GBE1: variants seen among roughly 807,000 people sequenced by gnomAD.
The protein encoded by GBE1 is 1,4-alpha-glucan-branching enzyme.
Under a neutral mutation model 88.8 loss-of-function variants are expected in GBE1, and 70 were observed. The observed-to-expected ratio is 0.79, with a 90% CI of 0.65 to 0.96. The LOEUF (loss-of-function observed/expected upper bound fraction) is 0.96, where lower values mean the gene tolerates loss of function less well. Among genes scored for constraint, GBE1 ranks in the 40% least tolerant of loss-of-function variants. The pLI is 0.00. For synonymous variants in GBE1, 284 were observed against 300.1 expected (o/e 0.95, Z 0.56); for missense variants, 872 against 871.0 (o/e 1.00, Z -0.01).
intron 7 of GBE1, among the ~76,000 whole-genome samples, chr3:81,614,724 T>C (rs1704226617): frequency 6.6e-6 from 1 of 152,094 alleles, no homozygotes; most frequent in Admixed American, 6.6e-5. Context: ...CTGGGCATGG[T>C]GGCACGTGCC....
intron 7 of GBE1, chr3:81,612,637 A>G (rs746460963): frequency 3.4e-6 from 2 of 581,920 alleles, no homozygotes; most frequent in Non-Finnish European, 6.6e-6. Flanking sequence ...GGAGTTTGTT[A>G]CATTTCTATT....
At chr3:81,552,356 A>G (rs1703282477) in intron 12 of GBE1, among the ~76,000 whole-genome samples, 1 of 152,118 alleles carries the variant, frequency 6.6e-6, no homozygotes, top group South Asian at 2.1e-4. Context: ...TGTCTCTACT[A>G]AAAATACAAA....
intron 1 of GBE1, among the ~76,000 whole-genome samples, chr3:81,732,072 C>T (rs1296968291): frequency 6.6e-6 from 1 of 152,064 alleles, no homozygotes; most frequent in African/African-American, 2.4e-5. Flanking sequence ...ACCATGAAGA[C>T]AATTGTCTGC....
intron 2 of GBE1, among the ~76,000 whole-genome samples, chr3:81,677,460 A>G (rs1705277163): frequency 6.6e-6 from 1 of 152,204 alleles, no homozygotes; most frequent in Non-Finnish European, 1.5e-5. Context: ...TCATCATATG[A>G]TGTCATTTAA....
chr3:81,593,032 TTC>T (rs1491486179), intron 8 of GBE1, among the ~76,000 whole-genome samples: 1 of 149,888 alleles, frequency 6.7e-6, no homozygotes, highest in Non-Finnish European at 1.5e-5. Context: ...TTTTCTTTTT[TTC>T]TGTTTATTGC....
chr3:81,537,593 A>G (rs1007838600), intron 12 of GBE1, among the ~76,000 whole-genome samples: 3 of 152,018 alleles, frequency 2.0e-5, no homozygotes, highest in East Asian at 3.9e-4. Context: ...GACTTGCCCA[A>G]CTTCACATAG....
chr3:81,683,093 G>A (rs1705374873), intron 2 of GBE1, among the ~76,000 whole-genome samples: 1 of 152,112 alleles, frequency 6.6e-6, no homozygotes, highest in African/African-American at 2.4e-5. Flanking sequence ...TGGGGAAACG[G>A]TAGGATGATA....
intron 2 of GBE1, among the ~76,000 whole-genome samples, chr3:81,674,001 A>G (rs1705222301): frequency 6.6e-6 from 1 of 151,918 alleles, no homozygotes; most frequent in African/African-American, 2.4e-5. Flanking sequence ...CATATGGGAG[A>G]GAAAGAAGGT....
intron 1 of GBE1, 71 bp from the exon 2 acceptor site, chr3:81,705,684 T>A (rs940327700): frequency 8.6e-5 from 85 of 993,082 alleles, no homozygotes; most frequent in Middle Eastern, 6.4e-4. Context: ...TGTAATTAAG[T>A]AACTGCTTTA....
At chr3:81,513,563 T>TC (rs1451192056) in intron 14 of GBE1, among the ~76,000 whole-genome samples, 151 of 148,008 alleles carry the variant, frequency 1.0e-3, no homozygotes, top group African/African-American at 3.6e-3. Context: ...ATTGTTTTGT[T>TC]CCCCCAAAAA....
intron 2 of GBE1, among the ~76,000 whole-genome samples, chr3:81,691,908 G>C (rs1245983798): frequency 1.3e-5 from 2 of 152,166 alleles, no homozygotes; most frequent in Non-Finnish European, 2.9e-5. Flanking sequence ...TTCTGACTTA[G>C]TAACTCTTAG....
At position 81,662,063 on chromosome 3, in the gene GBE1, G is replaced by A. The variant is rs190733453; in HGVS notation, c.429+8775C>T. 3.0e-4 allele frequency among the ~76,000 whole-genome samples: 45 copies of A among 150,890 alleles called. 1 individual carries two copies. In the East Asian group the frequency reaches 7.6e-3, roughly 26 times the overall value. ...TTTATTTATTTTTAGACGAAGTTTC[G>A]CCCTTGTTGCCCAGGCTGGAGTGCA... On this transcript the variant is annotated intron_variant, in intron 3 of 15. Transcript: ENST00000429644.
chr3:81,685,531 G>A (rs1226036742), intron 2 of GBE1, among the ~76,000 whole-genome samples: 4 of 151,896 alleles, frequency 2.6e-5, no homozygotes, highest in South Asian at 2.1e-4. Context: ...ACAAGCACCC[G>A]CCACCATGCC....
At chr3:81,750,617 GTATATATATATACGTATATATA>G (rs1706503902) in intron 1 of GBE1, among the ~76,000 whole-genome samples, 1 of 42,138 alleles carries the variant, frequency 2.4e-5, no homozygotes, top group African/African-American at 1.5e-4. Context: ...ATATATATAT[GTATATATATATACGTATATATA>G]TATATGTATA....
intron 1 of GBE1, among the ~76,000 whole-genome samples, chr3:81,750,914 G>A (rs959894194): frequency 7.3e-5 from 11 of 151,130 alleles, no homozygotes; most frequent in African/African-American, 2.7e-4. Context: ...TCCTGACCTC[G>A]TGATCTGCCC....
At chr3:81,750,538 C>T (rs9816628) in intron 1 of GBE1, among the ~76,000 whole-genome samples, 30,584 of 63,772 alleles carry the variant, frequency 0.48, 8,554 homozygotes, top group East Asian at 0.77. Context: ...TATATATATA[C>T]GTATATATAT....
chr3:81,575,684 T>C (rs993821103), intron 12 of GBE1, among the ~76,000 whole-genome samples: 1 of 152,180 alleles, frequency 6.6e-6, no homozygotes, highest in African/African-American at 2.4e-5. Context: ...TTCTTAGTTT[T>C]GAAAAAATTT....
intron 14 of GBE1, among the ~76,000 whole-genome samples, chr3:81,519,470 C>T (rs1702843413): frequency 6.6e-6 from 1 of 151,364 alleles, no homozygotes; most frequent in African/African-American, 2.4e-5. Flanking sequence ...CATTTCCACT[C>T]CCACCTCAAA....
chr3:81,634,624 G>A (rs956269074), intron 7 of GBE1, among the ~76,000 whole-genome samples: 1 of 152,116 alleles, frequency 6.6e-6, no homozygotes, highest in Non-Finnish European at 1.5e-5. Flanking sequence ...GAAAAAGAGA[G>A]AGAAGGAGAG....
Sources: gnomAD v4.1 joint callset for allele counts (sites outside exome capture counted in the v4.1 genomes callset) on GRCh38, gnomAD v4.1.1 for gene constraint, MANE v1.5 for transcripts, NCBI Gene and HGNC (gene_info 2026-07-23, HGNC 2026-07-21) for gene names.